Variants in FREM2 observed in about 807,000 individuals in gnomAD.
FREM2 encodes FRAS1-related extracellular matrix protein 2.
A neutral mutation model predicts 219.9 loss-of-function variants in FREM2; 119 were observed. The ratio of observed to expected loss-of-function variants is 0.54; its 90% CI spans 0.47 to 0.63. The LOEUF (loss-of-function observed/expected upper bound fraction) is 0.63. FREM2 is among the 30% of genes least tolerant of loss of function. The pLI, the probability that FREM2 is intolerant of heterozygous loss-of-function variation, is 0.00. For missense variants in FREM2, 4,030 were observed against 3,993.6 expected, an observed-to-expected ratio of 1.01 and a Z score of -0.25; for synonymous variants, 1,562 against 1,522.8, an observed-to-expected ratio of 1.03 and a Z score of -0.60.
At chr13:38,825,984 A>G (rs1357097000) in intron 6 of FREM2, among the ~76,000 whole-genome samples, 2 of 152,192 alleles carry the variant, frequency 1.3e-5, no homozygotes, top group African/African-American at 2.4e-5. Context: ...ATAAGAAGTC[A>G]TATAAAAATC....
intron 6 of FREM2, among the ~76,000 whole-genome samples, chr13:38,834,651 C>G (rs1412421759): frequency 1.3e-5 from 2 of 152,132 alleles, no homozygotes; most frequent in African/African-American, 4.8e-5. Flanking sequence ...TTCTAACTGG[C>G]ATGAAATGGT....
At chr13:38,823,495 T>C (rs1011801343) in intron 6 of FREM2, among the ~76,000 whole-genome samples, 7 of 151,952 alleles carry the variant, frequency 4.6e-5, no homozygotes, top group Admixed American at 4.6e-4. Flanking sequence ...CCCCATCTCC[T>C]CATTCCAAGC....
Position 38,689,186 on chromosome 13 carries a change from A to G in FREM2, c.1842A>G (p.Gln614=). 1 of 1,614,030 alleles carries G rather than the reference A, an allele frequency of 6.2e-7. No homozygotes were observed. The highest frequency in any genetic ancestry group is 8.5e-7 in the Non-Finnish European group (1 of 1,180,014). The change falls in exon 1 of 24, where the codon CAA becomes CAG. Residue 614 remains glutamine, a synonymous_variant. Coordinates refer to ENST00000280481, the MANE Select transcript of FREM2 (RefSeq NM_207361.6). Reference sequence around the variant, plus strand: ...CTACGGGGCATCTGCTTCTCCGCCAAACTCACCCTCCCCATGAGAAGCAGG... The same window carrying G: ...CTACGGGGCATCTGCTTCTCCGCCAGACTCACCCTCCCCATGAGAAGCAGG... The part of the protein sequence containing the change: ...FLTTGHLLLR[Q]THPPHEKQEL...
chr13:38,842,536 C>T (rs754664243), intron 6 of FREM2, among the ~76,000 whole-genome samples: 1 of 152,120 alleles, frequency 6.6e-6, no homozygotes, highest in Non-Finnish European at 1.5e-5. Flanking sequence ...GGAAACAATT[C>T]CTTTGTATTA....
At position 38,872,854 on chromosome 13, in the gene FREM2, A is replaced by T. The variant is rs780212022; in HGVS notation, c.8096A>T (p.Glu2699Val). The T allele has an allele frequency of 1.2e-6, 2 of 1,614,046 alleles. No individual in the cohort carries two copies. The highest frequency in any genetic ancestry group is 8.5e-7 in the Non-Finnish European group (1 of 1,179,938). Residue 2699 changes from glutamate to valine, a missense_variant, in exon 17 of 24, where the codon GAG becomes GTG. Around this residue, in one of 2 missense-constraint regions of FREM2, gnomAD observed 928 missense variants for 1,042.9 expected, o/e 0.89. Coordinates refer to ENST00000280481, the MANE Select transcript of FREM2 (RefSeq NM_207361.6). The part of the protein sequence containing the change: ...GGWQHFDLKS[E>V]LRLTFVYDTA... ...TGGCAGCATTTTGACTTGAAGTCAG[A>T]GCTTCGTCTAACTTTTGTGTACGAC...
chr13:38,857,861 T>C lies in FREM2; in HGVS notation c.7057-14T>C. 1 of 1,608,128 alleles carries C rather than the reference T, an allele frequency of 6.2e-7. No homozygotes were observed. The highest frequency in any genetic ancestry group is 1.1e-5 in the South Asian group (1 of 90,934). ...ATATTTCACTAATCAGTGATAATTG[T>C]CTTTTCCTTCTAGTTGACGAAAGCC... is the stretch of plus-strand genomic sequence containing the variant. On this transcript the variant is annotated splice_polypyrimidine_tract_variant and intron_variant, in intron 12 of 23. Coordinates refer to ENST00000280481, the MANE Select transcript of FREM2 (RefSeq NM_207361.6).
intron 6 of FREM2, among the ~76,000 whole-genome samples, chr13:38,813,315 A>C (rs969639972): frequency 9.9e-5 from 15 of 151,810 alleles, no homozygotes; most frequent in African/African-American, 3.6e-4. Context: ...GTTTTGAAGG[A>C]TAATTGCGCA....
At chr13:38,873,206 T>G (rs182050203) in intron 17 of FREM2, among the ~76,000 whole-genome samples, 152 of 152,292 alleles carry the variant, frequency 1.0e-3, no homozygotes, top group Middle Eastern at 3.4e-3. Context: ...GATTAATTAT[T>G]TATGTGTTAC....
intron 2 of FREM2, among the ~76,000 whole-genome samples, chr13:38,753,266 A>G (rs1022471383): frequency 1.3e-5 from 2 of 152,204 alleles, no homozygotes; most frequent in African/African-American, 2.4e-5. Flanking sequence ...CAAATTATGT[A>G]TACACATATA....
At chr13:38,724,752 G>A (rs960776827) in intron 2 of FREM2, among the ~76,000 whole-genome samples, 7 of 152,154 alleles carry the variant, frequency 4.6e-5, no homozygotes, top group Non-Finnish European at 7.3e-5. Flanking sequence ...TCATTCTCCA[G>A]AGCAATATGG....
At chr13:38,740,051 A>G (rs1872176233) in intron 2 of FREM2, among the ~76,000 whole-genome samples, 1 of 148,876 alleles carries the variant, frequency 6.7e-6, no homozygotes. Context: ...GAAATTGTAT[A>G]ACCATTCAAA....
chr13:38,707,110 C>T (rs928808443), intron 2 of FREM2, among the ~76,000 whole-genome samples: 19 of 152,050 alleles, frequency 1.2e-4, no homozygotes, highest in African/African-American at 4.6e-4. Context: ...TCCGGTTCTG[C>T]CCTTTATAAA....
rs888805870 is a variant in FREM2, at chr13:38,886,317, T to A, written c.*5530T>A. 2 of 151,942 alleles carry A rather than the reference T, an allele frequency of 1.3e-5. No individual in the cohort carries two copies. The highest frequency in any genetic ancestry group is 4.8e-5 in the African/African-American group (2 of 41,360). The allele number at this position is 151,942 out of a possible 1,614,324, so 9.4% of individuals were successfully genotyped here. On this transcript the variant is annotated 3_prime_UTR_variant, in exon 24 of 24. Coordinates refer to ENST00000280481, the MANE Select transcript of FREM2 (RefSeq NM_207361.6). ...GTGACTTCAGGAATTCAAATGCAAG[T>A]TGTTGGCAAAATATATATATACACA...
intron 6 of FREM2, among the ~76,000 whole-genome samples, chr13:38,842,376 A>G (rs1876994207): frequency 6.6e-6 from 1 of 152,094 alleles, no homozygotes; most frequent in African/African-American, 2.4e-5. Flanking sequence ...GTTATTGCCT[A>G]CAGCTGGATT....
chr13:38,765,917 C>T (rs913634423), intron 3 of FREM2, among the ~76,000 whole-genome samples: 4 of 152,286 alleles, frequency 2.6e-5, no homozygotes, highest in East Asian at 1.9e-4. Flanking sequence ...ACTCTCACTG[C>T]GCTCTCTTTT....
chr13:38,829,301 T>C (rs1876417267), intron 6 of FREM2, among the ~76,000 whole-genome samples: 1 of 152,048 alleles, frequency 6.6e-6, no homozygotes, highest in Non-Finnish European at 1.5e-5. Flanking sequence ...ATAGTAAGAG[T>C]TTCTAACAGG....
chr13:38,739,547 C>T (rs1872150519), intron 2 of FREM2, among the ~76,000 whole-genome samples: 1 of 152,138 alleles, frequency 6.6e-6, no homozygotes. Flanking sequence ...CCATACTGTT[C>T]TTCCTAGAAA....
chr13:38,704,019 G>A (rs939958910), intron 2 of FREM2, among the ~76,000 whole-genome samples: 1 of 152,096 alleles, frequency 6.6e-6, no homozygotes, highest in African/African-American at 2.4e-5. Flanking sequence ...CTGATGGCTG[G>A]GAGAAGTGGG....
At position 38,707,089 on chromosome 13, in the gene FREM2, T is replaced by G. The variant is rs143866629; in HGVS notation, c.5263+9302T>G. ...GTTAGTGCAAGTTTACTAAGATTAT[T>G]AATTTATTAATCCGGTTCTGCCCTT... On this transcript the variant is annotated intron_variant, in intron 2 of 23. Coordinates refer to ENST00000280481, the MANE Select transcript of FREM2 (RefSeq NM_207361.6). Among the ~76,000 whole-genome samples the G allele has an allele frequency of 4.7e-4, 71 of 152,348 alleles. 1 individual carries two copies. The highest frequency in any genetic ancestry group is 1.7e-3 in the African/African-American group (71 of 41,578).
Sources: gnomAD v4.1 joint callset for allele counts (sites outside exome capture counted in the v4.1 genomes callset) on GRCh38, gnomAD v4.1.1 for gene constraint, gnomAD v4.1.1 regional missense constraint, MANE v1.5 for transcripts, NCBI Gene and HGNC (gene_info 2026-07-23, HGNC 2026-07-21) for gene names.